ITK: variants seen among roughly 807,000 people sequenced by gnomAD.
The protein encoded by ITK is tyrosine-protein kinase ITK/TSK.
A neutral mutation model predicts 87.6 loss-of-function variants in ITK; 45 were observed. The observed-to-expected ratio is 0.51, with a 90% CI of 0.40 to 0.66. The LOEUF (loss-of-function observed/expected upper bound fraction) is 0.66. Among genes scored for constraint, ITK ranks in the 30% least tolerant of loss-of-function variants. ITK has a pLI of 0.00. For synonymous variants in ITK, 303 were observed against 273.6 expected, an observed-to-expected ratio of 1.11 and a Z score of -1.06; for missense variants, 605 against 766.3, an observed-to-expected ratio of 0.79 and a Z score of 2.48.
At chr5:157,186,682 AAGAG>A (rs61141972) in intron 1 of ITK, among the ~76,000 whole-genome samples, 16,429 of 148,576 alleles carry the variant, frequency 0.11, 1,054 homozygotes, top group Non-Finnish European at 0.15. Flanking sequence ...GTCTCAAAAA[AAGAG>A]AGAGAGAGAG....
chr5:157,216,323 G>A (rs565074645), intron 4 of ITK, among the ~76,000 whole-genome samples: 1 of 152,236 alleles, frequency 6.6e-6, no homozygotes, highest in African/African-American at 2.4e-5. Context: ...GCCTCTAAGA[G>A]CATTTTCTCA....
rs952627986 is a variant in ITK at position 157,223,122 on chromosome 5, TG to T, written c.647+111del. 3.7e-6 allele frequency: 5 copies of T among 1,344,050 alleles called. No homozygotes were observed. In the African/African-American group the frequency reaches 7.2e-5, roughly 19 times the overall value. 83.3% of individuals were successfully genotyped at this position (1,344,050 alleles called of 1,614,324 possible). A position where few individuals can be genotyped will look rare whatever the true frequency, so the allele number is the denominator to read the frequency against. On this transcript the variant is annotated intron_variant, in intron 6 of 16. Coordinates refer to ENST00000422843, the MANE Select transcript of ITK (RefSeq NM_005546.4). ...CCACAGTGTAACCACAGCACTGAGG[TG>T]GGAGAAGAGAGCAGAGGCAGAAGGA...
intron 5 of ITK, among the ~76,000 whole-genome samples, chr5:157,221,735 A>G (rs977367579): frequency 2.0e-5 from 3 of 152,156 alleles, no homozygotes; most frequent in African/African-American, 7.2e-5. Context: ...TCTTCTTCAA[A>G]CATCCTTGAA....
intron 1 of ITK, 63 bp downstream of exon 1, chr5:157,181,178 C>G (rs1312344951): frequency 1.3e-6 from 2 of 1,505,304 alleles, no homozygotes; most frequent in East Asian, 4.5e-5. Flanking sequence ...TGGGCTAATG[C>G]AAAAATATAT....
At position 157,211,379 on chromosome 5, in the gene ITK, T is replaced by G; in HGVS notation, c.325+11T>G. The G allele has an allele frequency of 6.2e-7, 1 of 1,603,974 alleles. No individual in the cohort carries two copies. On this transcript the variant is annotated intron_variant, in intron 3 of 16. Transcript: ENST00000422843. The stretch of plus-strand genomic sequence containing the variant: ...TGGCCCTTAAAGAAGGTAATTAAAC[T>G]CCTTTGCCATTGAATCACTGACACT...
At chr5:157,252,235 T>C (rs1432022266) in intron 16 of ITK, among the ~76,000 whole-genome samples, 9 of 152,212 alleles carry the variant, frequency 5.9e-5, no homozygotes, top group African/African-American at 2.2e-4. Flanking sequence ...GATATTTCAT[T>C]TTTTGGTGTT....
At chr5:157,226,925 G>A (rs1261114955) in intron 6 of ITK, among the ~76,000 whole-genome samples, 1 of 152,078 alleles carries the variant, frequency 6.6e-6, no homozygotes, top group Non-Finnish European at 1.5e-5. Context: ...GGTTAGGTGA[G>A]TCTCATGCCT....
rs148858888 is a variant in ITK, at chr5:157,252,676, T to C, written c.1861T>C (p.Ter621GlnextTer1). 1.1e-5 allele frequency: 17 copies of C among 1,609,830 alleles called. No individual in the cohort carries two copies. Among genetic ancestry groups the C allele is most frequent in the African/African-American group, 2.7e-5 (2 of 74,844 alleles). Residue 621 changes from the stop codon to glutamine (Q), a stop_lost, in exon 17 of 17, where the codon TAG becomes CAG. Transcript: ENST00000422843. ...GGCTGAAATTGCAGAATCAGGACTT[T>C]AGTAGAGACTGAGTACCAGGCCACG... ...QLAEIAESGL* is the reference protein window; with the variant it reads ...QLAEIAESGLQ
intron 2 of ITK, among the ~76,000 whole-genome samples, chr5:157,209,607 C>T (rs466470): frequency 6.6e-6 from 1 of 151,952 alleles, no homozygotes; most frequent in African/African-American, 2.4e-5. Context: ...CTGCTATCAG[C>T]GGCCTGAAAC....
intron 1 of ITK, among the ~76,000 whole-genome samples, chr5:157,185,583 C>T (rs749123443): frequency 2.1e-4 from 32 of 151,792 alleles, no homozygotes; most frequent in Non-Finnish European, 3.2e-4. Flanking sequence ...CAGAGACTCA[C>T]GCCTGCAATC....
intron 5 of ITK, among the ~76,000 whole-genome samples, chr5:157,218,604 C>T (rs921002875): frequency 3.3e-5 from 5 of 151,830 alleles, no homozygotes; most frequent in Non-Finnish European, 7.4e-5. Flanking sequence ...CAAAGCACTT[C>T]CACCCCTTTA....
chr5:157,187,860 T>C lies in ITK; in HGVS notation c.138+6745T>C, dbSNP rs1481941270. Among the ~76,000 whole-genome samples, 4 of 151,848 alleles carry C rather than the reference T, an allele frequency of 2.6e-5. No homozygotes were observed. In the East Asian group the frequency reaches 7.7e-4, roughly 29 times the overall value. ...TGTTGCCCAGGCTGGGGTACAGTGGTGGGATCACAGCTCACTGTAGCCTCA... is the reference window on the plus strand; with the variant it reads ...TGTTGCCCAGGCTGGGGTACAGTGGCGGGATCACAGCTCACTGTAGCCTCA... On this transcript the variant is annotated intron_variant, in intron 1 of 16. Coordinates refer to ENST00000422843, the MANE Select transcript of ITK (RefSeq NM_005546.4).
Position 157,211,549 on chromosome 5 carries a change from A to T in ITK, c.325+181A>T, listed in dbSNP as rs751085958. On this transcript the variant is annotated intron_variant, in intron 3 of 16. Transcript: ENST00000422843. Reference sequence around the variant, plus strand: ...AAGCAATAACTGGTATCATTCAGGGATTGACCAAATCCAGCCTGCTGTCTG... The same window carrying T: ...AAGCAATAACTGGTATCATTCAGGGTTTGACCAAATCCAGCCTGCTGTCTG... 112 of 633,168 alleles carry T rather than the reference A, an allele frequency of 1.8e-4. 1 individual carries two copies. The highest frequency in any genetic ancestry group is 4.0e-4 in the Middle Eastern group (1 of 2,520). The allele number at this position is 633,168 out of a possible 1,614,324, so 39.2% of individuals were successfully genotyped here. A position where few individuals can be genotyped will look rare whatever the true frequency, so the allele number is the denominator to read the frequency against.
intron 1 of ITK, among the ~76,000 whole-genome samples, chr5:157,200,528 C>G (rs1332713876): frequency 1.3e-5 from 2 of 152,128 alleles, no homozygotes; most frequent in African/African-American, 4.8e-5. Context: ...CAGCCACCCC[C>G]CGGGGACCAA....
chr5:157,182,144 A>G (rs889893571), intron 1 of ITK, among the ~76,000 whole-genome samples: 2 of 152,204 alleles, frequency 1.3e-5, no homozygotes, highest in African/African-American at 4.8e-5. Flanking sequence ...GTATGGTTAT[A>G]TTATTTTTAC....
chr5:157,212,590 G>A (rs1754212362), intron 3 of ITK, among the ~76,000 whole-genome samples: 1 of 152,250 alleles, frequency 6.6e-6, no homozygotes, highest in Admixed American at 6.5e-5. Context: ...GGCAGCCAAG[G>A]TGGGAGGATC....
intron 1 of ITK, among the ~76,000 whole-genome samples, chr5:157,183,447 G>A (rs144491002): frequency 8.2e-4 from 125 of 152,296 alleles, no homozygotes; most frequent in African/African-American, 2.9e-3. Flanking sequence ...TTGGCAGATC[G>A]AATATCAGAT....
At chr5:157,212,417 G>A (rs187842909) in intron 3 of ITK, among the ~76,000 whole-genome samples, 19 of 152,312 alleles carry the variant, frequency 1.2e-4, no homozygotes, top group South Asian at 6.2e-4. Flanking sequence ...ATCTTATCCC[G>A]AGGTTGTTGT....
intron 3 of ITK, among the ~76,000 whole-genome samples, chr5:157,211,855 A>T (rs564527603): frequency 6.6e-6 from 1 of 152,204 alleles, no homozygotes; most frequent in Non-Finnish European, 1.5e-5. Flanking sequence ...TCTGTTTAAA[A>T]GGAAGAAAAG....
Sources: gnomAD v4.1 joint callset for allele counts (sites outside exome capture counted in the v4.1 genomes callset) on GRCh38, gnomAD v4.1.1 for gene constraint, MANE v1.5 for transcripts, NCBI Gene and HGNC (gene_info 2026-07-23, HGNC 2026-07-21) for gene names.